OGDH: variants seen among roughly 807,000 people sequenced by gnomAD.
OGDH encodes 2-oxoglutarate dehydrogenase complex component E1.
OGDH carries 38 observed loss-of-function variants against 116.6 expected under a neutral mutation model. That is an observed-to-expected ratio of 0.33 (90% CI 0.25 to 0.43). The LOEUF is 0.43. Ranked by LOEUF, OGDH falls within the 20% of genes least tolerant of loss-of-function variation. The pLI is 1.00. For synonymous variants in OGDH, 488 were observed against 533.3 expected, an observed-to-expected ratio of 0.92 and a Z score of 1.17; for missense variants, 825 against 1,357.2, an observed-to-expected ratio of 0.61 and a Z score of 6.16.
intron 4 of OGDH, among the ~76,000 whole-genome samples, chr7:44,661,532 AT>A (rs1490575957): frequency 2.7e-5 from 4 of 150,270 alleles, no homozygotes; most frequent in Non-Finnish European, 4.4e-5. Context: ...CTTTGCTTTC[AT>A]TTTCCTGTGC....
intron 10 of OGDH, among the ~76,000 whole-genome samples, chr7:44,684,439 A>G (rs1788051315): frequency 6.6e-6 from 1 of 152,248 alleles, no homozygotes; most frequent in Non-Finnish European, 1.5e-5. Context: ...TCAAAATTTA[A>G]GAGGTCAAAT....
chr7:44,666,162 G>A (rs1200961157), intron 4 of OGDH, among the ~76,000 whole-genome samples: 1 of 152,162 alleles, frequency 6.6e-6, no homozygotes, highest in Non-Finnish European at 1.5e-5. Context: ...GCACGCTGCT[G>A]TGCTGCCCTG....
chr7:44,616,032 G>GA (rs79089920), intron 1 of OGDH, among the ~76,000 whole-genome samples: 1,661 of 131,642 alleles, frequency 0.013, 16 homozygotes, highest in African/African-American at 0.031. Context: ...CTGACAGAAA[G>GA]AAAAAAAAAA....
At chr7:44,700,639 C>G (rs1001057156) in intron 19 of OGDH, among the ~76,000 whole-genome samples, 14 of 152,098 alleles carry the variant, frequency 9.2e-5, no homozygotes, top group African/African-American at 3.4e-4. Flanking sequence ...AGTGCAGGGT[C>G]CCCAGGGAGC....
chr7:44,705,113 C>T (rs1179836427), intron 20 of OGDH, among the ~76,000 whole-genome samples: 2 of 122,828 alleles, frequency 1.6e-5, no homozygotes, highest in East Asian at 2.6e-4. Context: ...AGTGCAGTGG[C>T]GGGATCTCGG....
At chr7:44,658,452 C>CTT (rs759195013) in intron 4 of OGDH, among the ~76,000 whole-genome samples, 23 of 132,662 alleles carry the variant, frequency 1.7e-4, no homozygotes, top group African/African-American at 3.3e-4. Flanking sequence ...CATTCTAGGG[C>CTT]TTTTTTTTTT....
At chr7:44,672,209 A>G (rs1221990063) in intron 5 of OGDH, among the ~76,000 whole-genome samples, 2 of 152,106 alleles carry the variant, frequency 1.3e-5, no homozygotes, top group East Asian at 1.9e-4. Context: ...GTGGTTGGCC[A>G]TAATTTTGAG....
chr7:44,705,518 C>T (rs1789032473), intron 20 of OGDH, among the ~76,000 whole-genome samples: 1 of 152,038 alleles, frequency 6.6e-6, no homozygotes, highest in Admixed American at 6.6e-5. Context: ...ATCTTTGACC[C>T]ACTTTGAGCT....
At chr7:44,676,631 TA>T in intron 9 of OGDH, 1 of 171,256 alleles carries the variant, frequency 5.8e-6, no homozygotes, top group Non-Finnish European at 1.1e-5. Flanking sequence ...TATATATATA[TA>T]TATATATATT....
At chr7:44,614,255 A>G (rs556919021) in intron 1 of OGDH, among the ~76,000 whole-genome samples, 2 of 134,674 alleles carry the variant, frequency 1.5e-5, no homozygotes, top group Admixed American at 1.5e-4. Context: ...TTTCTTGTGT[A>G]TAATGCACCA....
chr7:44,663,264 A>G (rs567005602), intron 4 of OGDH, among the ~76,000 whole-genome samples: 1 of 152,310 alleles, frequency 6.6e-6, no homozygotes, highest in South Asian at 2.1e-4. Context: ...ACTACTTTGC[A>G]TCTTCAGTTT....
chr7:44,634,535 A>G (rs1159628740), intron 2 of OGDH, among the ~76,000 whole-genome samples: 1 of 152,216 alleles, frequency 6.6e-6, no homozygotes. Flanking sequence ...TTTTATTTAC[A>G]CACCTGTACA....
At chr7:44,646,975 TG>T (rs1786214604) in intron 3 of OGDH, among the ~76,000 whole-genome samples, 1 of 152,208 alleles carries the variant, frequency 6.6e-6, no homozygotes, top group African/African-American at 2.4e-5. Flanking sequence ...TAAATTGAGG[TG>T]GGATCTCACT....
At chr7:44,674,034 G>T (rs767247607) in intron 6 of OGDH, 93 bp downstream of exon 6, 90 of 1,467,002 alleles carry the variant, frequency 6.1e-5, no homozygotes, top group Non-Finnish European at 7.7e-5. Flanking sequence ...CCTGTTGGCC[G>T]AGGTGAGAGG....
At position 44,708,377 on chromosome 7, in the gene OGDH, G is replaced by C. The variant is rs952147588; in HGVS notation, c.*378G>C. ...CTGGCTTCCGCTGTCACCCAGCAAG[G>C]CACAGGCTCCTGTATTTGAGACTAG... On this transcript the variant is annotated 3_prime_UTR_variant, in exon 23 of 23. Coordinates refer to ENST00000222673, the MANE Select transcript of OGDH (RefSeq NM_002541.4). 8 of 179,384 alleles carry C rather than the reference G, an allele frequency of 4.5e-5. No homozygotes were observed. Among genetic ancestry groups the C allele is most frequent in the African/African-American group, 1.7e-4 (7 of 42,358 alleles). The allele number at this position is 179,384 out of a possible 1,614,324, so 11.1% of individuals were successfully genotyped here. A position where few individuals can be genotyped will look rare whatever the true frequency, so the allele number is the denominator to read the frequency against.
intron 2 of OGDH, 94 bp downstream of exon 2, chr7:44,624,659 G>A: frequency 9.2e-7 from 1 of 1,092,478 alleles, no homozygotes; most frequent in Non-Finnish European, 1.4e-6. Flanking sequence ...TGAGGAGTCA[G>A]CGGGCAGACA....
Position 44,696,948 on chromosome 7 carries a change from G to A in OGDH, c.1935G>A (p.Met645Ile). 2 of 1,613,872 alleles carry A rather than the reference G, an allele frequency of 1.2e-6. No individual in the cohort carries two copies. Among genetic ancestry groups the A allele is most frequent in the South Asian group, 2.2e-5 (2 of 91,054 alleles). ...GGATCTTGAAGACTCGTGGGGAAAT[G>A]GTGAAGAACCGGACTGTGGACTGGG... ...LSRILKTRGE[M>I]VKNRTVDWAL... Residue 645 changes from methionine (M) to isoleucine (I), a missense_variant, in exon 15 of 23, where the codon ATG becomes ATA. Transcript: ENST00000222673.
chr7:44,660,279 C>T (rs1786876712), intron 4 of OGDH, among the ~76,000 whole-genome samples: 1 of 152,130 alleles, frequency 6.6e-6, no homozygotes, highest in African/African-American at 2.4e-5. Flanking sequence ...TGTATGCCAC[C>T]ATGCCTGGCT....
intron 5 of OGDH, among the ~76,000 whole-genome samples, chr7:44,673,169 C>T (rs952598014): frequency 6.6e-6 from 1 of 152,058 alleles, no homozygotes; most frequent in Non-Finnish European, 1.5e-5. Flanking sequence ...AGTTCAAGAC[C>T]AGCCTGGGTA....
Sources: gnomAD v4.1 joint callset for allele counts (sites outside exome capture counted in the v4.1 genomes callset) on GRCh38, gnomAD v4.1.1 for gene constraint, MANE v1.5 for transcripts, NCBI Gene and HGNC (gene_info 2026-07-23, HGNC 2026-07-21) for gene names.